Variants in CADM2 observed in about 807,000 individuals in gnomAD.
The protein encoded by CADM2 is cell adhesion molecule 2.
A neutral mutation model predicts 49.8 loss-of-function variants in CADM2; 12 were observed. That is an observed-to-expected ratio of 0.24 (90% CI 0.15 to 0.39). CADM2 has a LOEUF of 0.39. Ranked by LOEUF, CADM2 falls within the 10% of genes least tolerant of loss-of-function variation. The pLI is 1.00. For missense variants in CADM2, 378 were observed against 492.3 expected (o/e 0.77, Z 2.20); for synonymous variants, 214 against 175.4 (o/e 1.22, Z -1.74).
intron 8 of CADM2, among the ~76,000 whole-genome samples, chr3:86,002,920 A>G (rs957258534): frequency 6.6e-6 from 1 of 152,144 alleles, no homozygotes; most frequent in Non-Finnish European, 1.5e-5. Context: ...GTGTGAGAAA[A>G]CTGAAAAGTT....
chr3:85,640,157 A>G (rs2064664991), intron 1 of CADM2, among the ~76,000 whole-genome samples: 1 of 152,260 alleles, frequency 6.6e-6, no homozygotes, highest in African/African-American at 2.4e-5. Flanking sequence ...TGTGCATTTC[A>G]TTAGGATAGT....
At chr3:85,173,097 C>G (rs564500259) in intron 1 of CADM2, among the ~76,000 whole-genome samples, 5 of 150,652 alleles carry the variant, frequency 3.3e-5, no homozygotes, top group Non-Finnish European at 7.4e-5. Flanking sequence ...TGGGTTCATG[C>G]CATTCTCCTG....
chr3:85,559,668 ACACACACACACAC>A lies in CADM2; in HGVS notation c.62-166853_62-166841del, dbSNP rs2062043127. 3.2e-5 allele frequency among the ~76,000 whole-genome samples: 3 copies of A among 92,712 alleles called. No homozygotes were observed. The East Asian group carries it at 2.2e-3, about 68-fold the overall frequency. The allele number at this position is 92,712 out of a possible 152,430, so 60.8% of individuals were successfully genotyped here. ...TGATTTAAAAGAAACACACACACAC[ACACACACACACAC>A]ACACACATATATATATATCACTTTT... On this transcript the variant is annotated intron_variant, in intron 1 of 9. Transcript: ENST00000383699.
At chr3:85,374,205 C>G (rs1176811753) in intron 1 of CADM2, among the ~76,000 whole-genome samples, 1 of 152,158 alleles carries the variant, frequency 6.6e-6, no homozygotes, top group African/African-American at 2.4e-5. Flanking sequence ...CTTTTAGGAG[C>G]AGCCAAGTCA....
At chr3:85,444,328 A>G (rs575554709) in intron 1 of CADM2, among the ~76,000 whole-genome samples, 2 of 152,102 alleles carry the variant, frequency 1.3e-5, no homozygotes, top group Non-Finnish European at 2.9e-5. Flanking sequence ...TTCCACTTCT[A>G]TCAAATGAAA....
Position 85,946,591 on chromosome 3 carries a change from A to G in CADM2, c.791+10734A>G, listed in dbSNP as rs1263177416. ...CAAAACAGCATGGTACTGGTACCAA[A>G]ACAGAGATATAGACCAATGGAACAG... is the stretch of plus-strand genomic sequence containing the variant. On this transcript the variant is annotated intron_variant, in intron 7 of 9. Coordinates refer to ENST00000383699, the MANE Select transcript of CADM2 (RefSeq NM_001167675.2). Among the ~76,000 whole-genome samples, 3 of 152,086 alleles carry G rather than the reference A, an allele frequency of 2.0e-5. No homozygotes were observed. The East Asian group carries it at 5.8e-4, about 29-fold the overall frequency.
chr3:85,435,080 T>C (rs1374124761), intron 1 of CADM2, among the ~76,000 whole-genome samples: 1 of 152,180 alleles, frequency 6.6e-6, no homozygotes, highest in Non-Finnish European at 1.5e-5. Context: ...TGCAGGTTTG[T>C]TACATAGTAT....
At chr3:85,637,999 C>A (rs1385589460) in intron 1 of CADM2, among the ~76,000 whole-genome samples, 2 of 152,192 alleles carry the variant, frequency 1.3e-5, no homozygotes, top group Non-Finnish European at 2.9e-5. Flanking sequence ...GGGTTTATAA[C>A]CTTATAAATA....
chr3:86,018,011 A>C, intron 8 of CADM2, among the ~76,000 whole-genome samples: 1 of 115,410 alleles, frequency 8.7e-6, no homozygotes, highest in African/African-American at 3.3e-5. Flanking sequence ...ATATCTCCCA[A>C]TGCTATCCCT....
At chr3:85,136,957 A>G (rs1352028199) in intron 1 of CADM2, among the ~76,000 whole-genome samples, 1 of 152,016 alleles carries the variant, frequency 6.6e-6, no homozygotes, top group Non-Finnish European at 1.5e-5. Flanking sequence ...AAATATGCAA[A>G]TAAGATATTT....
At chr3:85,989,776 G>C (rs557643333) in intron 8 of CADM2, among the ~76,000 whole-genome samples, 4 of 152,032 alleles carry the variant, frequency 2.6e-5, no homozygotes, top group Middle Eastern at 6.8e-3. Flanking sequence ...ACTTTTGGAG[G>C]CTGAGGCAGG....
chr3:86,040,910 G>A (rs1735813876), intron 8 of CADM2, among the ~76,000 whole-genome samples: 1 of 152,190 alleles, frequency 6.6e-6, no homozygotes. Context: ...AGCCAGAAGA[G>A]AGTGGGGGTT....
At chr3:85,087,194 A>G (rs954296140) in intron 1 of CADM2, among the ~76,000 whole-genome samples, 13 of 152,248 alleles carry the variant, frequency 8.5e-5, no homozygotes, top group Middle Eastern at 3.4e-3. Context: ...CGGTTAACAG[A>G]AAGGTCAGTG....
chr3:85,601,496 A>T (rs1455646429), intron 1 of CADM2, among the ~76,000 whole-genome samples: 1 of 151,400 alleles, frequency 6.6e-6, no homozygotes, highest in Non-Finnish European at 1.5e-5. Context: ...TCTTTGTTTC[A>T]TAGAGTGTTT....
chr3:85,546,651 C>T (rs775363331), intron 1 of CADM2, among the ~76,000 whole-genome samples: 10 of 152,120 alleles, frequency 6.6e-5, no homozygotes, highest in Non-Finnish European at 8.8e-5. Context: ...TTGCAGATAT[C>T]AGCTGCAGCT....
intron 1 of CADM2, among the ~76,000 whole-genome samples, chr3:85,178,754 T>C (rs2040849988): frequency 6.6e-6 from 1 of 151,772 alleles, no homozygotes; most frequent in South Asian, 2.1e-4. Context: ...TGTTAAATCA[T>C]TCTTAAGTTA....
In CADM2 at chr3:85,541,512, A is replaced by C. The variant is rs550807040; in HGVS notation, c.62-185010A>C. The stretch of plus-strand genomic sequence containing the variant: ...GAAAGATAGGAGAACTTATATTAAA[A>C]AAATGACTAGGTACATTACTACAGG... On this transcript the variant is annotated intron_variant, in intron 1 of 9. Transcript: ENST00000383699. Among the ~76,000 whole-genome samples the C allele has an allele frequency of 2.5e-4, 38 of 150,684 alleles. No individual in the cohort carries two copies. In the South Asian group the frequency reaches 7.7e-3, roughly 31 times the overall value.
chr3:85,492,728 G>C (rs1003457883), intron 1 of CADM2, among the ~76,000 whole-genome samples: 1 of 152,100 alleles, frequency 6.6e-6, no homozygotes, highest in South Asian at 2.1e-4. Flanking sequence ...AATCATATTT[G>C]AGTTATTAAT....
intron 1 of CADM2, among the ~76,000 whole-genome samples, chr3:85,725,468 A>G (rs2067662609): frequency 6.6e-6 from 1 of 151,950 alleles, no homozygotes; most frequent in South Asian, 2.1e-4. Flanking sequence ...GAGATGGACT[A>G]TTTCCTCCTT....
Sources: allele counts gnomAD v4.1 joint callset (sites outside exome capture counted in the v4.1 genomes callset), GRCh38; gene constraint gnomAD v4.1.1; transcripts MANE v1.5; gene names NCBI Gene and HGNC (gene_info 2026-07-23, HGNC 2026-07-21).